CAST: variants seen among roughly 807,000 people sequenced by gnomAD.
CAST encodes MIR583 host.
In CAST, 76 loss-of-function variants were observed where a neutral mutation model predicts 119.6. That is an observed-to-expected ratio of 0.64 (90% confidence interval 0.53 to 0.77). CAST has a LOEUF of 0.77. CAST is among the 30% of genes least tolerant of loss of function. The pLI, the probability that CAST is intolerant of heterozygous loss-of-function variation, is 0.00. For synonymous variants in CAST, 319 were observed against 331.6 expected, an observed-to-expected ratio of 0.96 and a Z score of 0.41; for missense variants, 953 against 946.5, an observed-to-expected ratio of 1.01 and a Z score of -0.09.
In CAST at chr5:96,598,044, G is replaced by A. The variant is rs553564922; in HGVS notation, c.60+68164G>A. Among the ~76,000 whole-genome samples, 11 of 152,246 alleles carry A rather than the reference G, an allele frequency of 7.2e-5. No homozygotes were observed. In the South Asian group the frequency reaches 8.3e-4, roughly 12 times the overall value. On this transcript the variant is annotated intron_variant, in intron 1 of 11. Transcript: ENST00000505143. Reference sequence around the variant, plus strand: ...GGTCAAGATGACTCTACACACTCCCGAAGGTCCTGTGCTCAGAGACTAATT... The same window carrying A: ...GGTCAAGATGACTCTACACACTCCCAAAGGTCCTGTGCTCAGAGACTAATT...
chr5:96,228,807 T>C, the CAST span, among the ~76,000 whole-genome samples: 2 of 152,118 alleles, frequency 1.3e-5, no homozygotes, highest in Non-Finnish European at 2.9e-5. Context: ...TAAGAACAAG[T>C]AGGTAAAATT....
At chr5:96,308,843 G>T in the CAST span, 1 of 152,672 alleles carries the variant, frequency 6.5e-6, no homozygotes, top group African/African-American at 2.4e-5. Flanking sequence ...TGTCCCAGAG[G>T]GGCACTCACT....
At chr5:96,091,439 T>C in the CAST span, among the ~76,000 whole-genome samples, 1 of 150,524 alleles carries the variant, frequency 6.6e-6, no homozygotes, top group Non-Finnish European at 1.5e-5. Flanking sequence ...TTCTGACCTC[T>C]GGTGATCCAC....
the CAST span, among the ~76,000 whole-genome samples, chr5:96,324,862 A>G: frequency 6.6e-6 from 1 of 152,024 alleles, no homozygotes; most frequent in Non-Finnish European, 1.5e-5. Context: ...GTTCTTATAT[A>G]TAAGTTGGTC....
At chr5:96,541,721 T>C (rs1745916878) in intron 1 of CAST, among the ~76,000 whole-genome samples, 1 of 152,244 alleles carries the variant, frequency 6.6e-6, no homozygotes, top group African/African-American at 2.4e-5. Flanking sequence ...TTACACAGTA[T>C]ATAGCCATTT....
At chr5:96,304,277 C>A in the CAST span, among the ~76,000 whole-genome samples, 1 of 152,066 alleles carries the variant, frequency 6.6e-6, no homozygotes, top group Non-Finnish European at 1.5e-5. Context: ...ATATCCTTTG[C>A]CCACTTTTTG....
chr5:96,576,342 G>A (rs1486295210), intron 1 of CAST, among the ~76,000 whole-genome samples: 1 of 151,572 alleles, frequency 6.6e-6, no homozygotes, highest in Admixed American at 6.6e-5. Flanking sequence ...TAGATCTAAA[G>A]TTTTGTTTTG....
the CAST span, among the ~76,000 whole-genome samples, chr5:96,199,012 A>G: frequency 3.9e-5 from 6 of 152,186 alleles, no homozygotes; most frequent in African/African-American, 7.2e-5. Context: ...GGTTTAAAGA[A>G]AAACCAGACA....
At chr5:96,355,875 T>C in the CAST span, among the ~76,000 whole-genome samples, 1 of 152,096 alleles carries the variant, frequency 6.6e-6, no homozygotes, top group African/African-American at 2.4e-5. Flanking sequence ...CTAATTTTTG[T>C]ATTTTTAGTA....
chr5:96,596,181 A>T (rs922259594), intron 1 of CAST, among the ~76,000 whole-genome samples: 1 of 152,214 alleles, frequency 6.6e-6, no homozygotes, highest in Non-Finnish European at 1.5e-5. Flanking sequence ...TGAGATGGGT[A>T]GATTGTCCTG....
At chr5:96,608,512 T>TA (rs1227992959) in intron 1 of CAST, among the ~76,000 whole-genome samples, 56 of 150,686 alleles carry the variant, frequency 3.7e-4, no homozygotes, top group South Asian at 6.3e-4. Flanking sequence ...TTGCTTACAT[T>TA]AAAAAAAAGA....
chr5:96,409,270 T>C, the CAST span, among the ~76,000 whole-genome samples: 2 of 152,082 alleles, frequency 1.3e-5, no homozygotes. Flanking sequence ...GAGATTTCGA[T>C]GTGTGGGAGG....
At chr5:96,235,834 T>C in the CAST span, among the ~76,000 whole-genome samples, 1 of 152,252 alleles carries the variant, frequency 6.6e-6, no homozygotes, top group East Asian at 1.9e-4. Flanking sequence ...GAGCCTATTT[T>C]CCACACCCGC....
At chr5:96,604,598 A>G (rs959734185) in intron 1 of CAST, among the ~76,000 whole-genome samples, 1 of 152,234 alleles carries the variant, frequency 6.6e-6, no homozygotes, top group Non-Finnish European at 1.5e-5. Flanking sequence ...GATAGGGCAC[A>G]TGAAAGGAGT....
chr5:96,042,101 G>A, the CAST span, among the ~76,000 whole-genome samples: 1 of 152,138 alleles, frequency 6.6e-6, no homozygotes, highest in Non-Finnish European at 1.5e-5. Flanking sequence ...CAGGAGGGAG[G>A]AACTTGGAGG....
At chr5:96,360,445 G>A in the CAST span, among the ~76,000 whole-genome samples, 4 of 152,202 alleles carry the variant, frequency 2.6e-5, no homozygotes, top group Middle Eastern at 6.8e-3. Flanking sequence ...TTTTGCACTG[G>A]TTTTCCTCAT....
intron 1 of CAST, among the ~76,000 whole-genome samples, chr5:96,624,384 G>C (rs879831599): frequency 3.3e-5 from 5 of 152,212 alleles, no homozygotes; most frequent in Non-Finnish European, 5.9e-5. Flanking sequence ...GCAAGTGTGT[G>C]TGTGCACACA....
the CAST span, among the ~76,000 whole-genome samples, chr5:96,214,151 C>T: frequency 6.6e-6 from 1 of 152,108 alleles, no homozygotes; most frequent in Non-Finnish European, 1.5e-5. Flanking sequence ...ATCTAAAAAT[C>T]TGCATGAGTT....
intron 1 of CAST, among the ~76,000 whole-genome samples, chr5:96,595,918 G>A (rs1237453495): frequency 2.0e-5 from 3 of 151,862 alleles, no homozygotes; most frequent in African/African-American, 7.3e-5. Context: ...TGGAGGAGGT[G>A]GCGTGGCATA....
Sources: gnomAD v4.1 joint callset for allele counts (sites outside exome capture counted in the v4.1 genomes callset) on GRCh38, gnomAD v4.1.1 for gene constraint, MANE v1.5 for transcripts, NCBI Gene and HGNC (gene_info 2026-07-23, HGNC 2026-07-21) for gene names.